Variants in NSA2 observed in about 807,000 individuals in gnomAD.
NSA2 encodes the protein NSA2 ribosome biogenesis factor.
Under a neutral mutation model 34.8 loss-of-function variants are expected in NSA2, and 18 were observed. That is an observed-to-expected ratio of 0.52 (90% CI 0.36 to 0.77). The LOEUF is 0.77. Among genes scored for constraint, NSA2 ranks in the 30% least tolerant of loss-of-function variants. NSA2 has a pLI of 0.00. For missense variants in NSA2, 188 were observed against 314.7 expected (o/e 0.60, Z 3.05); for synonymous variants, 79 against 100.2 (o/e 0.79, Z 1.26).
rs1745313380 is a variant in NSA2 at position 74,779,640 on chromosome 5, T to G, written c.*2969T>G. On this transcript the variant is annotated 3_prime_UTR_variant, in exon 6 of 6. Transcript: ENST00000610426. ...GTCATACTTTTTTTTTTTTACTTAG[T>G]ATTAGCATTTGTTGAAAAAATAAAT... 1.3e-5 allele frequency: 2 copies of G among 152,064 alleles called. No homozygotes were observed. Among genetic ancestry groups the G allele is most frequent in the Non-Finnish European group, 2.9e-5 (2 of 67,990 alleles). The allele number at this position is 152,064 out of a possible 1,614,324, so 9.4% of individuals were successfully genotyped here.
chr5:74,776,188 G>GA (rs1478931005), intron 5 of NSA2, among the ~76,000 whole-genome samples: 1 of 152,114 alleles, frequency 6.6e-6, no homozygotes, highest in African/African-American at 2.4e-5. Flanking sequence ...CTTATTTATT[G>GA]AAAGTGGTAA....
At chr5:74,773,437 C>A in intron 4 of NSA2, among the ~76,000 whole-genome samples, 1 of 148,430 alleles carries the variant, frequency 6.7e-6, no homozygotes. Context: ...GAGTCCAAGA[C>A]CAGCAGGCAA....
chr5:74,772,846 AT>A lies in NSA2; in HGVS notation c.523-1016del, dbSNP rs137953331. ...CTGTTACTAAGAAACTGATTTAGTG[AT>A]TTTTTCCCCCCATCCCCATGCACAC... On this transcript the variant is annotated intron_variant, in intron 4 of 5. Transcript: ENST00000610426. Among the ~76,000 whole-genome samples, 446 of 152,134 alleles carry A rather than the reference AT, an allele frequency of 2.9e-3. 3 individuals carry two copies. Among genetic ancestry groups the A allele is most frequent in the East Asian group, 0.029 (151 of 5,182 alleles).
Position 74,776,895 on chromosome 5 carries a change from A to G in NSA2, c.*224A>G, listed in dbSNP as rs2112429992. The stretch of plus-strand genomic sequence containing the variant: ...ATGATTGAAAAAAAGCAAATATACA[A>G]ATATCCTACTTCATCAATATCTGCA... On this transcript the variant is annotated 3_prime_UTR_variant, in exon 6 of 6. Transcript: ENST00000610426. 5.5e-6 allele frequency: 2 copies of G among 361,610 alleles called. No homozygotes were observed. Among genetic ancestry groups the G allele is most frequent in the South Asian group, 7.0e-5 (1 of 14,316 alleles). 22.4% of individuals were successfully genotyped at this position (361,610 alleles called of 1,614,324 possible).
At chr5:74,773,390 T>C (rs1328426962) in intron 4 of NSA2, among the ~76,000 whole-genome samples, 14 of 148,830 alleles carry the variant, frequency 9.4e-5, no homozygotes, top group Non-Finnish European at 1.9e-4. Flanking sequence ...CCCAGCACTT[T>C]GGGAGGCTGA....
In NSA2 at chr5:74,776,825, G is replaced by T. The variant is rs1745147109; in HGVS notation, c.*154G>T. ...TTAAAGTGGTCCAGTTTTATAAATG[G>T]TCTTTATTTTGAAATACGCTTTGAC... On this transcript the variant is annotated 3_prime_UTR_variant, in exon 6 of 6. Transcript: ENST00000610426. The T allele has an allele frequency of 2.0e-6, 1 of 488,136 alleles. No homozygotes were observed. Among genetic ancestry groups the T allele is most frequent in the African/African-American group, 2.0e-5 (1 of 49,906 alleles). The allele number at this position is 488,136 out of a possible 1,614,324, so 30.2% of individuals were successfully genotyped here.
chr5:74,771,296 CT>C (rs910925918), intron 4 of NSA2, among the ~76,000 whole-genome samples: 1 of 151,460 alleles, frequency 6.6e-6, no homozygotes, highest in African/African-American at 2.4e-5. Flanking sequence ...AAAAAAAAAT[CT>C]TTTCAGCTTC....
chr5:74,768,356 G>T (rs1260333538), intron 1 of NSA2, among the ~76,000 whole-genome samples: 2 of 152,190 alleles, frequency 1.3e-5, no homozygotes, highest in African/African-American at 4.8e-5. Context: ...GATTCAAAAG[G>T]CTATGTACTA....
intron 4 of NSA2, chr5:74,771,694 A>AT (rs1459369501): frequency 1.3e-5 from 2 of 151,698 alleles, no homozygotes; most frequent in Non-Finnish European, 2.9e-5. Context: ...AAAAAAAAAA[A>AT]ATACAAGAAA....
Position 74,773,864 on chromosome 5 carries a change from C to G in NSA2, c.523-4C>G, listed in dbSNP as rs757887449. On this transcript the variant is annotated splice_region_variant and splice_polypyrimidine_tract_variant and intron_variant, in intron 4 of 5. Transcript: ENST00000610426. ...ACATTCTTATGTTGTGTTTGACTTA[C>G]TAGGGCTTGCGTTTCAAGAAAGCCC... 1.2e-6 allele frequency: 2 copies of G among 1,609,426 alleles called. No individual in the cohort carries two copies. Among genetic ancestry groups the G allele is most frequent in the South Asian group, 2.2e-5 (2 of 90,534 alleles).
chr5:74,768,136 G>A (rs1024222140), intron 1 of NSA2, among the ~76,000 whole-genome samples: 3 of 152,240 alleles, frequency 2.0e-5, no homozygotes, highest in African/African-American at 7.2e-5. Context: ...CGGTCTGGCA[G>A]TAAACACACG....
chr5:74,773,796 C>G, intron 4 of NSA2, 72 bp from the exon 5 acceptor site: 2 of 1,211,474 alleles, frequency 1.7e-6, no homozygotes, highest in Non-Finnish European at 2.3e-6. Context: ...AAAAGATAAG[C>G]GAAAACGACC....
intron 1 of NSA2, 42 bp from the exon 2 acceptor site, chr5:74,768,889 G>A (rs1406566131): frequency 2.2e-6 from 3 of 1,372,358 alleles, no homozygotes; most frequent in Middle Eastern, 1.9e-4. Context: ...ATAATTGTCA[G>A]TACTTTAAAA....
intron 1 of NSA2, among the ~76,000 whole-genome samples, chr5:74,768,363 A>G (rs1472623902): frequency 6.6e-6 from 1 of 152,220 alleles, no homozygotes; most frequent in African/African-American, 2.4e-5. Context: ...AAGGCTATGT[A>G]CTACTGTTGA....
chr5:74,775,859 C>G (rs759764297), intron 5 of NSA2, among the ~76,000 whole-genome samples: 6 of 152,054 alleles, frequency 3.9e-5, no homozygotes, highest in Admixed American at 3.9e-4. Flanking sequence ...GATCCAATTT[C>G]TTTGAAAGGG....
chr5:74,773,824 A>T, intron 4 of NSA2, 44 bp from the exon 5 acceptor site: 1 of 1,528,734 alleles, frequency 6.5e-7, no homozygotes, highest in South Asian at 1.2e-5. Flanking sequence ...ATCACTGTTA[A>T]CATTTTGGAC....
intron 4 of NSA2, 42 bp from the exon 5 acceptor site, chr5:74,773,826 A>G: frequency 6.5e-7 from 1 of 1,533,786 alleles, no homozygotes; most frequent in Non-Finnish European, 8.9e-7. Flanking sequence ...CACTGTTAAC[A>G]TTTTGGACGT....
rs1561277693 is a variant in NSA2, at chr5:74,774,040, A to G, written c.695A>G (p.Gln232Arg). Residue 232 changes from glutamine to arginine, a missense_variant, in exon 5 of 6, where the codon CAA becomes CGA. Coordinates refer to ENST00000610426, the MANE Select transcript of NSA2 (RefSeq NM_014886.6). ...VNVSELGLVTQGGKVIWGKYA... is the reference protein window; with the variant it reads ...VNVSELGLVTRGGKVIWGKYA... ...GTGAGCGAATTGGGCCTTGTGACAC[A>G]AGGAGGCAAAGTTATTTGGGGTAAG... 2.5e-6 allele frequency: 4 copies of G among 1,613,642 alleles called. No individual in the cohort carries two copies. Among genetic ancestry groups the G allele is most frequent in the East Asian group, 4.5e-5 (2 of 44,876 alleles).
rs1438475135 is a variant in NSA2 at position 74,778,695 on chromosome 5, A to G, written c.*2024A>G. Reference sequence around the variant, plus strand: ...AATTTCTGTGATGTCTAGCAATTGAATAATTTAAACTTGAAAGAACTAAAA... The same window carrying G: ...AATTTCTGTGATGTCTAGCAATTGAGTAATTTAAACTTGAAAGAACTAAAA... On this transcript the variant is annotated 3_prime_UTR_variant, in exon 6 of 6. Coordinates refer to ENST00000610426, the MANE Select transcript of NSA2 (RefSeq NM_014886.6). 1 of 152,102 alleles carries G rather than the reference A, an allele frequency of 6.6e-6. No individual in the cohort carries two copies. Among genetic ancestry groups the G allele is most frequent in the African/African-American group, 2.4e-5 (1 of 41,448 alleles). The allele number at this position is 152,102 out of a possible 1,614,324, so 9.4% of individuals were successfully genotyped here.
Sources: gnomAD v4.1 joint callset for allele counts (sites outside exome capture counted in the v4.1 genomes callset) on GRCh38, gnomAD v4.1.1 for gene constraint, MANE v1.5 for transcripts, NCBI Gene and HGNC (gene_info 2026-07-23, HGNC 2026-07-21) for gene names.